APP: variants seen among roughly 807,000 people sequenced by gnomAD.
APP encodes the protein amyloid-beta precursor protein.
Under a neutral mutation model 101.4 loss-of-function variants are expected in APP, and 31 were observed. That is an observed-to-expected ratio of 0.31 (90% CI 0.23 to 0.41). The LOEUF is 0.41. Ranked by LOEUF, APP falls within the 10% of genes least tolerant of loss-of-function variation. APP has a pLI of 1.00. For synonymous variants in APP, 366 were observed against 364.4 expected (o/e 1.00, Z -0.05); for missense variants, 839 against 1,003.7 (o/e 0.84, Z 2.22).
At chr21:26,019,237 G>A (rs1191471572) in intron 6 of APP, among the ~76,000 whole-genome samples, 1 of 152,192 alleles carries the variant, frequency 6.6e-6, no homozygotes, top group Non-Finnish European at 1.5e-5. Flanking sequence ...TGCCAGCCTG[G>A]CATTGAAGGT....
intron 5 of APP, among the ~76,000 whole-genome samples, chr21:26,023,373 TAAAAA>T (rs35579863): frequency 9.1e-6 from 1 of 109,802 alleles, no homozygotes; most frequent in East Asian, 2.4e-4. Context: ...CCAAAAAAAT[TAAAAA>T]AAAAAAAAAA....
intron 3 of APP, among the ~76,000 whole-genome samples, chr21:26,079,399 G>A (rs58594658): frequency 0.049 from 7,455 of 152,170 alleles, 261 homozygotes; most frequent in South Asian, 0.095. Context: ...GAAATGGTGT[G>A]GGAATTATCT....
At chr21:25,988,839 C>T (rs2042746636) in intron 8 of APP, among the ~76,000 whole-genome samples, 1 of 151,626 alleles carries the variant, frequency 6.6e-6, no homozygotes, top group African/African-American at 2.4e-5. Context: ...CACCAAAATG[C>T]TGTATTACCT....
intron 11 of APP, among the ~76,000 whole-genome samples, chr21:25,965,036 C>G (rs950715904): frequency 1.3e-5 from 2 of 152,122 alleles, no homozygotes; most frequent in Non-Finnish European, 2.9e-5. Flanking sequence ...AATTTAGCAC[C>G]CAACACAACC....
chr21:25,902,144 C>T (rs551273560), intron 15 of APP, among the ~76,000 whole-genome samples: 2 of 152,248 alleles, frequency 1.3e-5, no homozygotes, highest in African/African-American at 4.8e-5. Context: ...CCATTTTCCT[C>T]AGTCATGATT....
At chr21:25,907,923 C>T (rs980941314) in intron 14 of APP, among the ~76,000 whole-genome samples, 2 of 151,878 alleles carry the variant, frequency 1.3e-5, no homozygotes, top group Non-Finnish European at 2.9e-5. Flanking sequence ...TAGAAGGCAG[C>T]TTCACATTTT....
chr21:25,885,236 G>A (rs2829970), intron 17 of APP, among the ~76,000 whole-genome samples: 87,104 of 152,064 alleles, frequency 0.57, 25,384 homozygotes, highest in African/African-American at 0.68. Flanking sequence ...GGATAAAGGA[G>A]GAGCACCAAG....
chr21:26,014,945 A>G (rs1340278182), intron 6 of APP, among the ~76,000 whole-genome samples: 1 of 152,222 alleles, frequency 6.6e-6, no homozygotes, highest in Non-Finnish European at 1.5e-5. Context: ...AATACCTGCA[A>G]GAAATAAAAC....
At chr21:26,091,411 G>A (rs1322760100) in intron 2 of APP, among the ~76,000 whole-genome samples, 1 of 152,120 alleles carries the variant, frequency 6.6e-6, no homozygotes, top group Admixed American at 6.6e-5. Flanking sequence ...TGCAGTGATT[G>A]GTCATTGCAA....
intron 5 of APP, among the ~76,000 whole-genome samples, chr21:26,026,157 ACAAT>A (rs2044563073): frequency 6.6e-6 from 1 of 152,252 alleles, no homozygotes; most frequent in African/African-American, 2.4e-5. Context: ...TTCCTTACAA[ACAAT>A]CAAATAACAA....
chr21:25,955,556 CT>C (rs1467656548), intron 12 of APP, 70 bp downstream of exon 12: 1 of 1,610,142 alleles, frequency 6.2e-7, no homozygotes, highest in African/African-American at 1.3e-5. Flanking sequence ...GCGTGGGATC[CT>C]GTCACCAACC....
intron 1 of APP, among the ~76,000 whole-genome samples, chr21:26,146,665 T>C (rs529877732): frequency 1.2e-4 from 18 of 152,326 alleles, no homozygotes; most frequent in Non-Finnish European, 2.5e-4. Context: ...CAAGACTGGG[T>C]GAGAGCTGAT....
intron 17 of APP, among the ~76,000 whole-genome samples, chr21:25,889,476 C>T (rs541571010): frequency 6.6e-6 from 1 of 152,304 alleles, no homozygotes; most frequent in African/African-American, 2.4e-5. Flanking sequence ...AGTCTTTGGC[C>T]TCTGGCATCA....
intron 3 of APP, among the ~76,000 whole-genome samples, chr21:26,089,313 G>A (rs929393980): frequency 1.3e-5 from 2 of 152,048 alleles, no homozygotes; most frequent in African/African-American, 4.8e-5. Context: ...AAAAGAGCAC[G>A]ATACCACATA....
At chr21:26,031,827 G>A (rs748837064) in intron 5 of APP, among the ~76,000 whole-genome samples, 2 of 152,122 alleles carry the variant, frequency 1.3e-5, no homozygotes, top group East Asian at 3.9e-4. Context: ...CTTCCAGCAC[G>A]CTCCCCAAAA....
chr21:26,162,458 T>C (rs1056942761), intron 1 of APP, among the ~76,000 whole-genome samples: 1 of 152,150 alleles, frequency 6.6e-6, no homozygotes, highest in African/African-American at 2.4e-5. Context: ...CTCTTAAAAA[T>C]AAAATTTATG....
intron 13 of APP, among the ~76,000 whole-genome samples, chr21:25,914,788 C>T (rs1355805432): frequency 2.0e-5 from 3 of 152,110 alleles, no homozygotes; most frequent in South Asian, 4.1e-4. Context: ...CTCCTGACTT[C>T]GTGATCCGCC....
intron 1 of APP, chr21:26,140,312 T>C: frequency 6.5e-7 from 1 of 1,531,012 alleles, no homozygotes. Context: ...AGGCCAGAGC[T>C]TCCATCCTCG....
At chr21:26,025,094 A>G (rs1172861641) in intron 5 of APP, among the ~76,000 whole-genome samples, 1 of 152,214 alleles carries the variant, frequency 6.6e-6, no homozygotes, top group Non-Finnish European at 1.5e-5. Context: ...GTAGAAATAA[A>G]TGAGGTGAAA....
Sources: allele counts gnomAD v4.1 joint callset (sites outside exome capture counted in the v4.1 genomes callset), GRCh38; gene constraint gnomAD v4.1.1; transcripts MANE v1.5; gene names NCBI Gene and HGNC (gene_info 2026-07-23, HGNC 2026-07-21).